INPP4B: variants seen among roughly 807,000 people sequenced by gnomAD.
The protein encoded by INPP4B is inositol polyphosphate 4-phosphatase type II.
Under a neutral mutation model 122.5 loss-of-function variants are expected in INPP4B, and 55 were observed. The observed-to-expected ratio is 0.45, with a 90% CI of 0.36 to 0.56. INPP4B has a LOEUF of 0.56. Ranked by LOEUF, INPP4B falls within the 20% of genes least tolerant of loss-of-function variation. INPP4B has a pLI of 0.00. For synonymous variants in INPP4B, 403 were observed against 388.7 expected, an observed-to-expected ratio of 1.04 and a Z score of -0.43; for missense variants, 1,000 against 1,097.7, an observed-to-expected ratio of 0.91 and a Z score of 1.26.
chr4:142,607,820 C>A (rs548876793), intron 2 of INPP4B, among the ~76,000 whole-genome samples: 7 of 152,132 alleles, frequency 4.6e-5, no homozygotes, highest in African/African-American at 1.4e-4. Flanking sequence ...AGTCATAAAG[C>A]CTGCTAGGGA....
intron 9 of INPP4B, among the ~76,000 whole-genome samples, chr4:142,289,497 C>A: frequency 6.6e-6 from 1 of 152,286 alleles, no homozygotes; most frequent in East Asian, 1.9e-4. Context: ...TTAATCCCAG[C>A]ATCCACAAGC....
chr4:142,438,706 T>G (rs2149424332), intron 3 of INPP4B, among the ~76,000 whole-genome samples: 1 of 152,214 alleles, frequency 6.6e-6, no homozygotes, highest in African/African-American at 2.4e-5. Context: ...AAATAAAATC[T>G]AATTAAAGAG....
intron 25 of INPP4B, among the ~76,000 whole-genome samples, chr4:142,046,804 T>A (rs1272791677): frequency 6.6e-6 from 1 of 152,078 alleles, no homozygotes; most frequent in African/African-American, 2.4e-5. Flanking sequence ...ATTAAGTGAC[T>A]ACTGCAGTGG....
chr4:142,138,814 G>A lies in INPP4B; in HGVS notation c.1720+7026C>T, dbSNP rs190556023. 1.5e-3 allele frequency among the ~76,000 whole-genome samples: 231 copies of A among 152,266 alleles called. 1 individual carries two copies. Among genetic ancestry groups the A allele is most frequent in the Non-Finnish European group, 2.8e-3 (190 of 68,022 alleles). On this transcript the variant is annotated intron_variant, in intron 18 of 25. Coordinates refer to ENST00000262992, the MANE Select transcript of INPP4B (RefSeq NM_001101669.3). ...TGTACTAAGTGTCAGCTATTAATGTGATTATTACCCCTCCTTTGATACCTC... is the reference window on the plus strand; with the variant it reads ...TGTACTAAGTGTCAGCTATTAATGTAATTATTACCCCTCCTTTGATACCTC...
At chr4:142,570,521 C>T (rs1473318739) in intron 2 of INPP4B, among the ~76,000 whole-genome samples, 3 of 151,388 alleles carry the variant, frequency 2.0e-5, no homozygotes, top group Admixed American at 6.6e-5. Flanking sequence ...GAGATAATAC[C>T]CTACAATTGA....
At chr4:142,494,207 T>A (rs1325675945) in intron 2 of INPP4B, among the ~76,000 whole-genome samples, 4 of 152,192 alleles carry the variant, frequency 2.6e-5, no homozygotes, top group Non-Finnish European at 2.9e-5. Flanking sequence ...CAGTCTCTCA[T>A]ATCTTTATTA....
rs1336030914 is a variant in INPP4B, at chr4:142,260,506, G to C, written c.674C>G (p.Pro225Arg). The C allele has an allele frequency of 5.6e-6, 9 of 1,602,762 alleles. No homozygotes were observed. Among genetic ancestry groups the C allele is most frequent in the African/African-American group, 2.7e-5 (2 of 74,258 alleles). Residue 225 changes from proline to arginine, a missense_variant, in exon 11 of 26, where the codon CCT (proline) becomes CGT (arginine). Pro to Arg is a moderately radical substitution (Grantham distance 103). Transcript: ENST00000262992. ...PESVSGKDNL[P>R]FLNSVLKNPV... ...GAGTTACATACCTGAATTCAAAAAA[G>C]GTAAGTTATCTTTTCCGCTCACACT...
At chr4:142,115,584 T>A (rs1792797426) in intron 21 of INPP4B, among the ~76,000 whole-genome samples, 1 of 152,136 alleles carries the variant, frequency 6.6e-6, no homozygotes, top group Non-Finnish European at 1.5e-5. Context: ...GGAGGAGAAA[T>A]AAAATCTTTT....
chr4:142,731,645 A>C (rs781017005), intron 1 of INPP4B, among the ~76,000 whole-genome samples: 1 of 152,176 alleles, frequency 6.6e-6, no homozygotes, highest in Non-Finnish European at 1.5e-5. Flanking sequence ...GAAGTCAAAC[A>C]TGAAGTCTTC....
chr4:142,136,082 C>A (rs920769795), intron 18 of INPP4B, among the ~76,000 whole-genome samples: 1 of 152,196 alleles, frequency 6.6e-6, no homozygotes, highest in African/African-American at 2.4e-5. Context: ...CAGGTGTGAG[C>A]CACCGTGCCC....
At position 142,810,897 on chromosome 4, in the gene INPP4B, C is replaced by G. The variant is rs1450602900; in HGVS notation, c.-254+35312G>C. 2.6e-5 allele frequency among the ~76,000 whole-genome samples: 4 copies of G among 152,144 alleles called. No homozygotes were observed. In the South Asian group the frequency reaches 6.2e-4, roughly 24 times the overall value. On this transcript the variant is annotated intron_variant, in intron 1 of 25. Coordinates refer to ENST00000262992, the MANE Select transcript of INPP4B (RefSeq NM_001101669.3). Reference sequence around the variant, plus strand: ...AGTGTCTTGCATACAAATTGTCATTCAAAAAATACATTGGTTTAGAAGTAT... The same window carrying G: ...AGTGTCTTGCATACAAATTGTCATTGAAAAAATACATTGGTTTAGAAGTAT...
intron 25 of INPP4B, among the ~76,000 whole-genome samples, chr4:142,040,464 C>T (rs540911627): frequency 3.3e-5 from 5 of 152,078 alleles, no homozygotes; most frequent in South Asian, 2.1e-4. Context: ...TGGAGGAGAG[C>T]GTAAAATAAT....
intron 2 of INPP4B, among the ~76,000 whole-genome samples, chr4:142,672,100 T>G (rs1036233276): frequency 6.6e-6 from 1 of 152,204 alleles, no homozygotes; most frequent in East Asian, 1.9e-4. Flanking sequence ...AGTATTCCAT[T>G]GTTTGAAAGT....
chr4:142,421,503 T>C (rs1806890984), intron 5 of INPP4B, among the ~76,000 whole-genome samples: 1 of 152,096 alleles, frequency 6.6e-6, no homozygotes, highest in African/African-American at 2.4e-5. Flanking sequence ...GTTTAAAGAC[T>C]TGTGTTCATT....
chr4:142,191,499 C>T (rs1467810662), intron 15 of INPP4B, among the ~76,000 whole-genome samples: 4 of 152,184 alleles, frequency 2.6e-5, no homozygotes, highest in Non-Finnish European at 4.4e-5. Context: ...ACTCATACCC[C>T]CACATCAGTA....
intron 10 of INPP4B, among the ~76,000 whole-genome samples, chr4:142,268,288 A>C (rs1439346697): frequency 7.6e-6 from 1 of 131,008 alleles, no homozygotes; most frequent in Non-Finnish European, 1.6e-5. Flanking sequence ...GCGCCACTGC[A>C]CTCTGGCCTG....
intron 23 of INPP4B, among the ~76,000 whole-genome samples, chr4:142,102,389 A>C (rs1290501312): frequency 1.3e-5 from 2 of 151,916 alleles, no homozygotes; most frequent in Non-Finnish European, 2.9e-5. Context: ...ATTCTAAAAG[A>C]ATTTAAAAGG....
chr4:142,660,839 C>G (rs1201117055), intron 2 of INPP4B: 3 of 152,620 alleles, frequency 2.0e-5, no homozygotes, highest in African/African-American at 7.2e-5. Flanking sequence ...CCCCTTCTGC[C>G]GGGAACCCTT....
At chr4:142,039,850 T>C (rs1221879966) in intron 25 of INPP4B, among the ~76,000 whole-genome samples, 1 of 152,160 alleles carries the variant, frequency 6.6e-6, no homozygotes, top group African/African-American at 2.4e-5. Flanking sequence ...TTTAAATATA[T>C]GTAAGATGGA....
Sources: allele counts gnomAD v4.1 joint callset (sites outside exome capture counted in the v4.1 genomes callset), GRCh38; gene constraint gnomAD v4.1.1; transcripts MANE v1.5; gene names NCBI Gene and HGNC (gene_info 2026-07-23, HGNC 2026-07-21).